The following LRRC4C variants were observed in gnomAD, a reference collection of about 807,000 sequenced individuals.
LRRC4C encodes the protein leucine-rich repeat-containing protein 4C.
In LRRC4C, 5 loss-of-function variants were observed where a neutral mutation model predicts 33.6. The observed-to-expected ratio is 0.15, with a 90% CI of 0.08 to 0.31. The LOEUF (loss-of-function observed/expected upper bound fraction) is 0.31, where lower values mean the gene tolerates loss of function less well. Ranked by LOEUF, LRRC4C falls within the 10% of genes least tolerant of loss-of-function variation. The pLI is 1.00. For missense variants in LRRC4C, 560 were observed against 796.7 expected, an observed-to-expected ratio of 0.70 and a Z score of 3.58; for synonymous variants, 329 against 302.0, an observed-to-expected ratio of 1.09 and a Z score of -0.93.
At chr11:40,579,112 T>A (rs899628879) in intron 3 of LRRC4C, among the ~76,000 whole-genome samples, 1 of 152,058 alleles carries the variant, frequency 6.6e-6, no homozygotes. Flanking sequence ...CCGAGGTAGG[T>A]AGATCACTGG....
At chr11:41,003,053 C>T (rs988563249) in intron 1 of LRRC4C, among the ~76,000 whole-genome samples, 1 of 152,038 alleles carries the variant, frequency 6.6e-6, no homozygotes, top group Admixed American at 6.6e-5. Flanking sequence ...CCGATGAAAA[C>T]ATTGAAAAGT....
At chr11:40,543,896 T>C (rs1458924129) in intron 3 of LRRC4C, among the ~76,000 whole-genome samples, 1 of 152,068 alleles carries the variant, frequency 6.6e-6, no homozygotes, top group African/African-American at 2.4e-5. Flanking sequence ...GATAAATTCC[T>C]GGAAACTTTT....
chr11:41,228,405 A>AT (rs1947637554), intron 1 of LRRC4C, among the ~76,000 whole-genome samples: 1 of 152,070 alleles, frequency 6.6e-6, no homozygotes, highest in East Asian at 1.9e-4. Flanking sequence ...GTAAACAATT[A>AT]TTTTCCATCC....
chr11:40,731,087 A>G (rs1947555653), intron 2 of LRRC4C, among the ~76,000 whole-genome samples: 1 of 152,210 alleles, frequency 6.6e-6, no homozygotes, highest in South Asian at 2.1e-4. Flanking sequence ...TGGGAGGCCA[A>G]GGCAGGCGGA....
At chr11:40,246,769 C>A (rs989372008) in intron 4 of LRRC4C, among the ~76,000 whole-genome samples, 1 of 151,866 alleles carries the variant, frequency 6.6e-6, no homozygotes, top group Admixed American at 6.6e-5. Context: ...TAATACAATT[C>A]ACTACTGATT....
chr11:40,532,219 G>A lies in LRRC4C; in HGVS notation c.-270+115923C>T, dbSNP rs929782412. Among the ~76,000 whole-genome samples the A allele has an allele frequency of 4.6e-5, 7 of 150,994 alleles. No individual in the cohort carries two copies. The East Asian group carries it at 5.9e-4, about 13-fold the overall frequency. On this transcript the variant is annotated intron_variant, in intron 3 of 6. Coordinates refer to ENST00000528697, the MANE Select transcript of LRRC4C (RefSeq NM_001258419.2). The stretch of plus-strand genomic sequence containing the variant: ...CTAATCCTAAATTCTTCATCAGTAC[G>A]CTACATTTTTCATAATATGTTACAC...
intron 2 of LRRC4C, among the ~76,000 whole-genome samples, chr11:40,759,224 T>C (rs1406638391): frequency 6.8e-6 from 1 of 147,438 alleles, no homozygotes; most frequent in Non-Finnish European, 1.5e-5. Context: ...ATCGTCCATA[T>C]ATTATATTAT....
chr11:40,572,135 A>C (rs1958006243), intron 3 of LRRC4C, among the ~76,000 whole-genome samples: 1 of 152,212 alleles, frequency 6.6e-6, no homozygotes, highest in East Asian at 1.9e-4. Context: ...AGCAGGAACA[A>C]ACAGTCATTT....
chr11:40,425,334 C>G (rs1161852873), intron 3 of LRRC4C, among the ~76,000 whole-genome samples: 2 of 152,060 alleles, frequency 1.3e-5, no homozygotes, highest in Non-Finnish European at 2.9e-5. Flanking sequence ...TGAGGTTAGC[C>G]AGCAGGGGGA....
At chr11:40,563,397 C>CA (rs1322278003) in intron 3 of LRRC4C, among the ~76,000 whole-genome samples, 1 of 152,066 alleles carries the variant, frequency 6.6e-6, no homozygotes, top group African/African-American at 2.4e-5. Context: ...TGAGATGATT[C>CA]AAACACTGGA....
intron 3 of LRRC4C, among the ~76,000 whole-genome samples, chr11:40,400,092 C>T (rs1484417896): frequency 6.6e-6 from 1 of 152,034 alleles, no homozygotes; most frequent in Non-Finnish European, 1.5e-5. Flanking sequence ...AGAACAATAC[C>T]TTGACTTCCT....
chr11:41,158,708 T>A (rs1944338956), intron 1 of LRRC4C, among the ~76,000 whole-genome samples: 1 of 152,094 alleles, frequency 6.6e-6, no homozygotes, highest in African/African-American at 2.4e-5. Flanking sequence ...GGCAAATCAG[T>A]TCATCAGAGA....
intron 1 of LRRC4C, among the ~76,000 whole-genome samples, chr11:41,183,172 C>T (rs1393445853): frequency 2.0e-5 from 3 of 151,946 alleles, no homozygotes; most frequent in South Asian, 2.1e-4. Context: ...TATCATTCTG[C>T]CCCTGGCCCC....
At chr11:40,952,805 T>C (rs1479353321) in intron 1 of LRRC4C, among the ~76,000 whole-genome samples, 1 of 150,750 alleles carries the variant, frequency 6.6e-6, no homozygotes, top group East Asian at 2.0e-4. Flanking sequence ...AAGGCTTCAC[T>C]GAATAACTCT....
At chr11:40,630,854 G>A (rs1379763244) in intron 3 of LRRC4C, among the ~76,000 whole-genome samples, 1 of 152,118 alleles carries the variant, frequency 6.6e-6, no homozygotes, top group African/African-American at 2.4e-5. Context: ...AAGACATAGA[G>A]AGTTTTATGA....
chr11:40,810,155 GT>G (rs1261926849), intron 2 of LRRC4C, among the ~76,000 whole-genome samples: 2 of 152,076 alleles, frequency 1.3e-5, no homozygotes, highest in South Asian at 2.1e-4. Flanking sequence ...TATTGTTCAG[GT>G]TACCAGTGAC....
At chr11:40,175,317 GT>G (rs775788455) in intron 5 of LRRC4C, among the ~76,000 whole-genome samples, 9 of 152,196 alleles carry the variant, frequency 5.9e-5, no homozygotes, top group Non-Finnish European at 1.3e-4. Flanking sequence ...GTAAAAATGC[GT>G]GAGCATTTGC....
At chr11:40,948,085 C>T (rs1373597052) in intron 1 of LRRC4C, among the ~76,000 whole-genome samples, 1 of 152,080 alleles carries the variant, frequency 6.6e-6, no homozygotes, top group East Asian at 1.9e-4. Context: ...CTTCTCCCTG[C>T]TCTTCTTAAA....
chr11:41,057,643 G>A (rs540588214), intron 1 of LRRC4C, among the ~76,000 whole-genome samples: 41 of 152,350 alleles, frequency 2.7e-4, no homozygotes, highest in African/African-American at 9.4e-4. Context: ...CCAGAGCTGA[G>A]CAGACTTCAG....
Sources: gnomAD v4.1 joint callset for allele counts (sites outside exome capture counted in the v4.1 genomes callset) on GRCh38, gnomAD v4.1.1 for gene constraint, MANE v1.5 for transcripts, NCBI Gene and HGNC (gene_info 2026-07-23, HGNC 2026-07-21) for gene names.